Variants in NIPSNAP2 observed in about 807,000 individuals in gnomAD.
The protein encoded by NIPSNAP2 is nipsnap homolog 2, also known as protein NipSnap homolog 2.
Under a neutral mutation model 48.4 loss-of-function variants are expected in NIPSNAP2, and 42 were observed. The observed-to-expected ratio is 0.87, with a 90% confidence interval of 0.68 to 1.12. The LOEUF (loss-of-function observed/expected upper bound fraction) is 1.12. Among genes scored for constraint, NIPSNAP2 ranks in the 50% most tolerant of loss-of-function variants. The pLI is 0.00. For synonymous variants in NIPSNAP2, 158 were observed against 126.6 expected, an observed-to-expected ratio of 1.25 and a Z score of -1.67; for missense variants, 314 against 347.3, an observed-to-expected ratio of 0.90 and a Z score of 0.76.
chr7:55,983,877 A>G lies in NIPSNAP2; in HGVS notation c.585+9A>G, dbSNP rs749640855. The G allele has an allele frequency of 1.2e-6, 2 of 1,610,044 alleles. No individual in the cohort carries two copies. The highest frequency in any genetic ancestry group is 1.1e-5 in the South Asian group (1 of 90,024). On this transcript the variant is annotated intron_variant, in intron 6 of 9. Transcript: ENST00000322090. ...GGTCTTACCAACTCCGAGTAAGTAC[A>G]GAAATATAAGTTATTCCTTTTACTC...
chr7:55,973,210 C>T (rs984014087), intron 1 of NIPSNAP2, among the ~76,000 whole-genome samples: 8 of 152,048 alleles, frequency 5.3e-5, no homozygotes, highest in African/African-American at 1.9e-4. Context: ...TCAGGGAAAC[C>T]ACCATTAATG....
intron 8 of NIPSNAP2, 21 bp downstream of exon 8, chr7:55,995,009 G>A (rs1466328450): frequency 6.9e-6 from 11 of 1,587,058 alleles, no homozygotes; most frequent in South Asian, 4.4e-5. Flanking sequence ...TTCCCTTTTC[G>A]AGTTACTGGG....
At chr7:55,966,859 A>G (rs1218585578) in intron 1 of NIPSNAP2, among the ~76,000 whole-genome samples, 2 of 152,180 alleles carry the variant, frequency 1.3e-5, no homozygotes, top group African/African-American at 4.8e-5. Context: ...AGGGGCTGCA[A>G]AGCAAGTCCT....
chr7:55,984,020 A>C, intron 6 of NIPSNAP2, 152 bp downstream of exon 6: 1 of 504,232 alleles, frequency 2.0e-6, no homozygotes, highest in Admixed American at 3.9e-5. Flanking sequence ...TGGGTCTCAC[A>C]CTGTCACCAA....
intron 8 of NIPSNAP2, among the ~76,000 whole-genome samples, chr7:55,996,303 A>T (rs80124892): frequency 0.041 from 6,166 of 149,432 alleles, 166 homozygotes; most frequent in Admixed American, 0.06. Context: ...AAAAAAAAAG[A>T]AAAGAAACCA....
chr7:55,972,585 A>G (rs1397707070), intron 1 of NIPSNAP2, among the ~76,000 whole-genome samples: 1 of 151,620 alleles, frequency 6.6e-6, no homozygotes, highest in Non-Finnish European at 1.5e-5. Context: ...GGCATGCGCC[A>G]CCATGCCTGG....
chr7:55,966,397 A>G (rs1199223762), intron 1 of NIPSNAP2, among the ~76,000 whole-genome samples: 9 of 152,158 alleles, frequency 5.9e-5, no homozygotes, highest in Non-Finnish European at 1.2e-4. Context: ...GCTTGAGCCC[A>G]GGAGTTTGAG....
intron 5 of NIPSNAP2, 95 bp downstream of exon 5, chr7:55,982,375 C>T (rs1416466224): frequency 1.3e-6 from 1 of 755,500 alleles, no homozygotes; most frequent in Admixed American, 2.8e-5. Flanking sequence ...TGTTAATAAA[C>T]TTCATTTTTT....
intron 7 of NIPSNAP2, among the ~76,000 whole-genome samples, chr7:55,986,521 G>A (rs1033976576): frequency 5.3e-5 from 8 of 152,048 alleles, no homozygotes; most frequent in Admixed American, 1.3e-4. Context: ...AATTAGCCAC[G>A]TATGGCGGTG....
chr7:55,979,073 A>G (rs1459702012), intron 3 of NIPSNAP2: 1 of 152,328 alleles, frequency 6.6e-6, no homozygotes, highest in Admixed American at 6.5e-5. Flanking sequence ...TTTAATATCT[A>G]CTACGTTCTT....
In NIPSNAP2 at chr7:55,978,122, A is replaced by G. The variant is rs1205709108; in HGVS notation, c.93-4A>G. On this transcript the variant is annotated splice_region_variant and splice_polypyrimidine_tract_variant and intron_variant, in intron 1 of 9. Coordinates refer to ENST00000322090, the MANE Select transcript of NIPSNAP2 (RefSeq NM_001483.3). Reference sequence around the variant, plus strand: ...TGCGTGACAACACCTTTGTTATTCCATAGGACATGGACATCTTCCAGCAAC... The same window carrying G: ...TGCGTGACAACACCTTTGTTATTCCGTAGGACATGGACATCTTCCAGCAAC... 1.1e-5 allele frequency: 17 copies of G among 1,614,054 alleles called. No homozygotes were observed. Among genetic ancestry groups the G allele is most frequent in the Non-Finnish European group, 1.4e-5 (17 of 1,179,988 alleles).
chr7:55,985,858 G>A (rs1317331783), intron 7 of NIPSNAP2, among the ~76,000 whole-genome samples: 2 of 150,786 alleles, frequency 1.3e-5, no homozygotes, highest in Non-Finnish European at 2.9e-5. Context: ...GACCAGCCTC[G>A]CTAACATGGC....
At chr7:55,992,344 G>A (rs1309418175) in intron 7 of NIPSNAP2, among the ~76,000 whole-genome samples, 5 of 152,068 alleles carry the variant, frequency 3.3e-5, no homozygotes, top group African/African-American at 1.2e-4. Flanking sequence ...TAAAAAATTG[G>A]CTGTGCTTAG....
intron 7 of NIPSNAP2, among the ~76,000 whole-genome samples, chr7:55,993,024 C>T (rs559312311): frequency 2.6e-5 from 4 of 152,126 alleles, no homozygotes; most frequent in South Asian, 2.1e-4. Flanking sequence ...CTGAGCCAGG[C>T]GCAGTGGCTC....
chr7:55,991,781 T>TATAA (rs1163585467), intron 7 of NIPSNAP2: 3 of 225,624 alleles, frequency 1.3e-5, no homozygotes, highest in African/African-American at 2.4e-5. Context: ...TATATATATA[T>TATAA]AATTTATAAA....
At chr7:55,968,433 C>T (rs541168511) in intron 1 of NIPSNAP2, among the ~76,000 whole-genome samples, 7 of 150,728 alleles carry the variant, frequency 4.6e-5, no homozygotes, top group South Asian at 2.1e-4. Flanking sequence ...TCACCCAGGC[C>T]GGAGTGCAGT....
rs1787269652 is a variant in NIPSNAP2, at chr7:55,983,771, C to G, written c.488C>G (p.Ser163Cys). The change falls in exon 6 of 10, where the codon TCC becomes TGC. Residue 163 changes from serine (S) to cysteine (C), a missense_variant. Coordinates refer to ENST00000322090, the MANE Select transcript of NIPSNAP2 (RefSeq NM_001483.3). ...AAGGCAAGAAGTGACATGCTTCTCT[C>G]CAGGAAGAATCAGCTCCTGTTGGAG... ...FRKARSDMLL[S>C]RKNQLLLEFS... The G allele has an allele frequency of 6.2e-7, 1 of 1,613,942 alleles. No homozygotes were observed. Among genetic ancestry groups the G allele is most frequent in the African/African-American group, 1.3e-5 (1 of 74,906 alleles).
At chr7:55,973,408 G>A (rs180716875) in intron 1 of NIPSNAP2, among the ~76,000 whole-genome samples, 25 of 151,888 alleles carry the variant, frequency 1.6e-4, no homozygotes, top group African/African-American at 5.5e-4. Context: ...ATGTGAAAAC[G>A]TGCTTTTATA....
rs563056091 is a variant in NIPSNAP2, at chr7:55,967,900, A to G, written c.92+3199A>G. Among the ~76,000 whole-genome samples the G allele has an allele frequency of 1.6e-4, 24 of 151,016 alleles. No individual in the cohort carries two copies. In the South Asian group the frequency reaches 5.0e-3, roughly 32 times the overall value. On this transcript the variant is annotated intron_variant, in intron 1 of 9. Transcript: ENST00000322090. ...CCTGGCCTCAAGTGATCCTCCCACC[A>G]CGGCCTCCCAAAGTGCTGGCATTAC...
Sources: allele counts gnomAD v4.1 joint callset (sites outside exome capture counted in the v4.1 genomes callset), GRCh38; gene constraint gnomAD v4.1.1; transcripts MANE v1.5; gene names NCBI Gene and HGNC (gene_info 2026-07-23, HGNC 2026-07-21).